MYO7B: variants seen among roughly 807,000 people sequenced by gnomAD.
MYO7B encodes unconventional myosin-VIIb.
In MYO7B, 212 loss-of-function variants were observed where a neutral mutation model predicts 259.7. The observed-to-expected ratio is 0.82, with a 90% CI of 0.73 to 0.91. MYO7B has a LOEUF of 0.91. Among genes scored for constraint, MYO7B ranks in the 40% least tolerant of loss-of-function variants. The probability of loss-of-function intolerance (pLI) is 0.00; values close to 1 mark genes in which losing one functional copy is unlikely to be tolerated. For synonymous variants in MYO7B, 1,197 were observed against 1,166.4 expected (o/e 1.03, Z -0.54); for missense variants, 2,732 against 2,813.5 (o/e 0.97, Z 0.66).
At position 127,629,678 on chromosome 2, in the gene MYO7B, A is replaced by C; in HGVS notation, c.4658A>C (p.Asp1553Ala). The C allele has an allele frequency of 6.2e-7, 1 of 1,612,156 alleles. No individual in the cohort carries two copies. The highest frequency in any genetic ancestry group is 8.5e-7 in the Non-Finnish European group (1 of 1,179,366). The change falls in exon 35 of 48, where the codon GAC (aspartate) becomes GCC (alanine). Residue 1553 changes from aspartate to alanine, a missense_variant. Coordinates refer to ENST00000409816, the MANE Select transcript of MYO7B (RefSeq NM_001393586.1). Reference sequence around the variant, plus strand: ...ACCCTCCTGGCCTTCAAGAAGGGGGACCTGTTGGTCCTCACAAAGAAGCAG... The same window carrying C: ...ACCCTCCTGGCCTTCAAGAAGGGGGCCCTGTTGGTCCTCACAAAGAAGCAG... The part of the protein sequence containing the change: ...DTTLLAFKKG[D>A]LLVLTKKQGL...
At position 127,623,330 on chromosome 2, in the gene MYO7B, C is replaced by CA. The variant is rs777879874; in HGVS notation, c.3775dup (p.Ser1259LysfsTer34). On this transcript the variant is annotated frameshift_variant, in exon 29 of 48. Coordinates refer to ENST00000409816, the MANE Select transcript of MYO7B (RefSeq NM_001393586.1). LOFTEE classifies it high-confidence loss of function. ...TGCACATCGCTCACAAGCAGGGCCT[C>CA]AGCGACCACCTGGGCTTCTCCCTCC... 5 of 1,610,380 alleles carry CA rather than the reference C, an allele frequency of 3.1e-6. No homozygotes were observed. Among genetic ancestry groups the CA allele is most frequent in the Non-Finnish European group, 3.4e-6 (4 of 1,178,364 alleles).
chr2:127,562,434 T>A (rs1365271196), intron 2 of MYO7B, among the ~76,000 whole-genome samples: 1 of 151,598 alleles, frequency 6.6e-6, no homozygotes. Context: ...TTAGCTGGGA[T>A]TACAGGCGCC....
intron 16 of MYO7B, among the ~76,000 whole-genome samples, chr2:127,592,505 G>A (rs1390026229): frequency 1.3e-5 from 2 of 152,248 alleles, no homozygotes; most frequent in East Asian, 3.8e-4. Context: ...GACAGTGATG[G>A]GAGTGCTGTG....
chr2:127,547,683 T>A (rs1404658833), intron 1 of MYO7B, among the ~76,000 whole-genome samples: 1 of 151,944 alleles, frequency 6.6e-6, no homozygotes, highest in African/African-American at 2.4e-5. Context: ...GTTCTGAGAG[T>A]CCAGCAGCAG....
In MYO7B at chr2:127,634,669, A is replaced by C; in HGVS notation, c.5699A>C (p.Lys1900Thr). Residue 1900 changes from lysine to threonine, a missense_variant, in exon 42 of 48, where the codon AAG becomes ACG. By Grantham distance (78) the Lys-to-Thr change is moderately conservative. Transcript: ENST00000409816. ...GTGTCTGACTGGGTGAAGAAGAACA[A>C]GCCCCAGAAAGAAGGTGAGGAGGCC... ...REVSDWVKKNKPQKEGAPVTL... is the reference protein window; with the variant it reads ...REVSDWVKKNTPQKEGAPVTL... 1.9e-6 allele frequency: 3 copies of C among 1,610,502 alleles called. No homozygotes were observed. The highest frequency in any genetic ancestry group is 2.2e-5 in the East Asian group (1 of 44,830).
At chr2:127,542,802 A>G (rs1244795673) in intron 1 of MYO7B, among the ~76,000 whole-genome samples, 2 of 152,190 alleles carry the variant, frequency 1.3e-5, no homozygotes, top group African/African-American at 4.8e-5. Context: ...GTGGCAGGAC[A>G]ATAGGGTAAT....
chr2:127,538,690 C>T lies in MYO7B; in HGVS notation c.-24+2859C>T, dbSNP rs187407325. Among the ~76,000 whole-genome samples, 1,018 of 152,058 alleles carry T rather than the reference C, an allele frequency of 6.7e-3. 11 individuals carry two copies. The highest frequency in any genetic ancestry group is 0.023 in the African/African-American group (961 of 41,470). On this transcript the variant is annotated intron_variant, in intron 1 of 47. Coordinates refer to ENST00000409816, the MANE Select transcript of MYO7B (RefSeq NM_001393586.1). ...AAGCAATTCTTCCCCCTCAGCCTCC[C>T]GAGTAGCTGGGATTACAGGCGCACA...
At chr2:127,552,805 C>G (rs6743697) in intron 1 of MYO7B, among the ~76,000 whole-genome samples, 21,762 of 152,148 alleles carry the variant, frequency 0.14, 2,622 homozygotes, top group African/African-American at 0.31. Context: ...CCTGCCACCC[C>G]CTGAAAGAGC....
At chr2:127,618,480 G>A (rs1460184323) in intron 26 of MYO7B, among the ~76,000 whole-genome samples, 4 of 152,142 alleles carry the variant, frequency 2.6e-5, no homozygotes, top group African/African-American at 7.2e-5. Context: ...CAGGCTTCAG[G>A]TGTGCCCTGT....
Position 127,637,454 on chromosome 2 carries a change from C to A in MYO7B, c.*37C>A. 1 of 1,434,026 alleles carries A rather than the reference C, an allele frequency of 7.0e-7. No individual in the cohort carries two copies. The highest frequency in any genetic ancestry group is 9.3e-7 in the Non-Finnish European group (1 of 1,076,728). The allele number at this position is 1,434,026 out of a possible 1,614,324, so 88.8% of individuals were successfully genotyped here. A position where few individuals can be genotyped will look rare whatever the true frequency, so the allele number is the denominator to read the frequency against. Reference sequence around the variant, plus strand: ...GGCGTGTCTGCTCAGGCGCCCTTCCCGACCTCTAGCCTGGCGGCACCTTCC... The same window carrying A: ...GGCGTGTCTGCTCAGGCGCCCTTCCAGACCTCTAGCCTGGCGGCACCTTCC... On this transcript the variant is annotated 3_prime_UTR_variant, in exon 48 of 48. Transcript: ENST00000409816.
At chr2:127,544,303 T>G (rs985860381) in intron 1 of MYO7B, among the ~76,000 whole-genome samples, 2 of 152,216 alleles carry the variant, frequency 1.3e-5, no homozygotes, top group African/African-American at 4.8e-5. Context: ...TTATTTTTAT[T>G]ACATACTCAT....
intron 5 of MYO7B, among the ~76,000 whole-genome samples, chr2:127,567,526 G>A (rs543670572): frequency 3.9e-5 from 6 of 152,292 alleles, no homozygotes; most frequent in Non-Finnish European, 7.4e-5. Context: ...GGCTGGCCAC[G>A]GGGATGGAAG....
intron 1 of MYO7B, among the ~76,000 whole-genome samples, chr2:127,537,496 GA>G: frequency 6.6e-6 from 1 of 152,324 alleles, no homozygotes; most frequent in East Asian, 1.9e-4. Flanking sequence ...GTTCAGGGAG[GA>G]AGAGCCAGAA....
intron 1 of MYO7B, among the ~76,000 whole-genome samples, chr2:127,540,548 C>T (rs964958318): frequency 6.6e-6 from 1 of 152,220 alleles, no homozygotes; most frequent in Non-Finnish European, 1.5e-5. Flanking sequence ...AATATCCCTA[C>T]TGTTTTCCAT....
intron 1 of MYO7B, among the ~76,000 whole-genome samples, chr2:127,550,347 C>G (rs1442002439): frequency 6.6e-6 from 1 of 152,150 alleles, no homozygotes; most frequent in East Asian, 1.9e-4. Context: ...GGGCAGCTCA[C>G]TTGAGGCCAG....
chr2:127,637,359 T>C lies in MYO7B; in HGVS notation c.6371T>C (p.Leu2124Pro). Residue 2124 changes from leucine to proline, a missense_variant, in exon 48 of 48, where the codon CTC becomes CCC. Coordinates refer to ENST00000409816, the MANE Select transcript of MYO7B (RefSeq NM_001393586.1). ...DDLLTSYVQQ[L>P]LSAMNKQRGS... ...CTGCTGACCTCATATGTGCAGCAGC[T>C]CCTGAGTGCCATGAACAAGCAGCGG... 1.3e-6 allele frequency: 2 copies of C among 1,593,664 alleles called. No homozygotes were observed.
At chr2:127,582,114 G>A (rs1425774296) in intron 11 of MYO7B, 104 bp downstream of exon 11, 17 of 1,550,200 alleles carry the variant, frequency 1.1e-5, no homozygotes, top group Admixed American at 1.8e-5. Flanking sequence ...CCCTGGGCAG[G>A]TCCCCACTCT....
Position 127,636,308 on chromosome 2 carries a change from C to T in MYO7B, c.6107C>T (p.Ala2036Val). The T allele has an allele frequency of 6.2e-7, 1 of 1,613,342 alleles. No homozygotes were observed. The highest frequency in any genetic ancestry group is 8.5e-7 in the Non-Finnish European group (1 of 1,179,748). The change falls in exon 45 of 48, where the codon GCC becomes GTC. Residue 2036 changes from alanine (A) to valine (V), a missense_variant. Physicochemically the swap from Ala to Val is moderately conservative, Grantham distance 64. Transcript: ENST00000409816. The surrounding 1 kb of genome is among the most constrained non-coding windows in gnomAD (Gnocchi z 4.5). ...TGCCGGTGGCCCACCTTCGGATCCG[C>T]CTTCTTCGAGGTGAAGGTAAACCTT... ...WICRWPTFGSAFFEVKQTSEP... is the reference protein window; with the variant it reads ...WICRWPTFGSVFFEVKQTSEP...
At chr2:127,564,300 C>G in intron 3 of MYO7B, 34 bp downstream of exon 3, 1 of 1,497,142 alleles carries the variant, frequency 6.7e-7, no homozygotes, top group Non-Finnish European at 9.1e-7. Context: ...GGGCCCTGCC[C>G]TGCCCTCACA....
Sources: gnomAD v4.1 joint callset for allele counts (sites outside exome capture counted in the v4.1 genomes callset) on GRCh38, gnomAD v4.1.1 for gene constraint, Gnocchi (gnomAD v3.1) non-coding constraint, MANE v1.5 for transcripts, NCBI Gene and HGNC (gene_info 2026-07-23, HGNC 2026-07-21) for gene names.